DIP2C: variants seen among roughly 807,000 people sequenced by gnomAD.
The protein encoded by DIP2C is disco-interacting protein 2 homolog C.
In DIP2C, 33 loss-of-function variants were observed where a neutral mutation model predicts 192.4. That is an observed-to-expected ratio of 0.17 (90% CI 0.13 to 0.23). The LOEUF (loss-of-function observed/expected upper bound fraction) is 0.23, where lower values mean the gene tolerates loss of function less well. Among genes scored for constraint, DIP2C ranks in the 10% least tolerant of loss-of-function variants. The pLI is 1.00. For synonymous variants in DIP2C, 979 were observed against 864.1 expected, an observed-to-expected ratio of 1.13 and a Z score of -2.33; for missense variants, 1,537 against 2,110.1, an observed-to-expected ratio of 0.73 and a Z score of 5.32.
chr10:467,497 A>G (rs1371187508), intron 3 of DIP2C, among the ~76,000 whole-genome samples: 1 of 150,350 alleles, frequency 6.7e-6, no homozygotes, highest in Non-Finnish European at 1.5e-5. Flanking sequence ...TAACCTGCAC[A>G]ATGTGCACAT....
At chr10:602,324 G>A (rs1852139512) in intron 1 of DIP2C, among the ~76,000 whole-genome samples, 2 of 152,202 alleles carry the variant, frequency 1.3e-5, no homozygotes, top group South Asian at 2.1e-4. Flanking sequence ...AAATGCAGCT[G>A]AGAAGGCTGT....
chr10:587,484 A>C (rs888631554), intron 1 of DIP2C, among the ~76,000 whole-genome samples: 2 of 152,220 alleles, frequency 1.3e-5, no homozygotes, highest in African/African-American at 4.8e-5. Context: ...TAATAAAATG[A>C]AATAAAAATA....
rs767702403 is a variant in DIP2C, at chr10:613,810, C to T, written c.85+75684G>A. The stretch of plus-strand genomic sequence containing the variant: ...CTGATCTCAACAGGTCTTCCCTGTG[C>T]CCCGGGAAACATGGCGTTTCCACAC... On this transcript the variant is annotated intron_variant, in intron 1 of 36. Transcript: ENST00000280886. Among the ~76,000 whole-genome samples the T allele has an allele frequency of 9.5e-4, 145 of 151,842 alleles. 2 individuals carry two copies. The highest frequency in any genetic ancestry group is 5.6e-3 in the Admixed American group (85 of 15,252).
At chr10:647,206 C>T (rs1490099224) in intron 1 of DIP2C, among the ~76,000 whole-genome samples, 1 of 151,682 alleles carries the variant, frequency 6.6e-6, no homozygotes, top group Admixed American at 6.6e-5. Context: ...GAAACTGAGT[C>T]CACGTCCACA....
In DIP2C at chr10:327,171, T is replaced by G. The variant is rs921376689; in HGVS notation, c.3759A>C (p.Arg1253=). ...LGSQTESLKA[R]GLDLSRVRTC... ...TCCTCACTCGGGACAAGTCCAGCCC[T>G]CGCGCCTGGAGATGATGACAGAGAA... The change falls in exon 31 of 37, where the codon CGA becomes CGC. Residue 1253 remains arginine (R), a synonymous_variant. Transcript: ENST00000280886. The G allele has an allele frequency of 6.2e-7, 1 of 1,613,226 alleles. No individual in the cohort carries two copies. The highest frequency in any genetic ancestry group is 1.3e-5 in the African/African-American group (1 of 74,966).
chr10:445,890 C>G (rs1163881315), intron 3 of DIP2C, among the ~76,000 whole-genome samples: 3 of 150,898 alleles, frequency 2.0e-5, no homozygotes, highest in African/African-American at 7.3e-5. Flanking sequence ...AAGAGTCTAT[C>G]TTGCACTGGC....
intron 4 of DIP2C, among the ~76,000 whole-genome samples, chr10:438,698 C>G (rs1967476677): frequency 6.6e-6 from 1 of 151,790 alleles, no homozygotes; most frequent in Admixed American, 6.6e-5. Flanking sequence ...GGAATGTTGC[C>G]CAGGCTGGTC....
chr10:642,634 G>T (rs1855252272), intron 1 of DIP2C, among the ~76,000 whole-genome samples: 1 of 152,258 alleles, frequency 6.6e-6, no homozygotes, highest in Admixed American at 6.5e-5. Context: ...CAAAGCTGAA[G>T]GGCGTGTGCC....
chr10:477,751 A>AAAGGAGAGAGAAGAAAAAGGAAAAG (rs1564762387), intron 2 of DIP2C, among the ~76,000 whole-genome samples: 1 of 107,254 alleles, frequency 9.3e-6, no homozygotes, highest in Non-Finnish European at 2.1e-5. Flanking sequence ...ACGAGAAAGA[A>AAAGGAGAGAGAAGAAAAAGGAAAAG]AAGGAGAGAG....
chr10:390,992 G>T, intron 10 of DIP2C, 129 bp from the exon 11 acceptor site: 1 of 1,367,950 alleles, frequency 7.3e-7, no homozygotes, highest in Non-Finnish European at 9.9e-7. Context: ...CAGCCCTGCT[G>T]CTTGGTATCT....
intron 1 of DIP2C, among the ~76,000 whole-genome samples, chr10:576,342 C>T (rs568640039): frequency 3.2e-4 from 48 of 152,170 alleles, no homozygotes; most frequent in Non-Finnish European, 5.6e-4. Flanking sequence ...ATTACTCATA[C>T]GTGTGTTGAA....
At chr10:542,817 G>A (rs1280177657) in intron 1 of DIP2C, among the ~76,000 whole-genome samples, 1 of 151,368 alleles carries the variant, frequency 6.6e-6, no homozygotes, top group Admixed American at 6.6e-5. Flanking sequence ...AGATTGGGGA[G>A]TGGGGGGTTC....
intron 1 of DIP2C, among the ~76,000 whole-genome samples, chr10:548,911 CA>C (rs61437915): frequency 0.049 from 1,282 of 26,334 alleles, 9 homozygotes; most frequent in Middle Eastern, 0.12. Flanking sequence ...TAGCAGCTCA[CA>C]AAAAAAAAAA....
In DIP2C at chr10:277,380, C is replaced by T. The variant is rs773007279; in HGVS notation, c.4616G>A (p.Arg1539Gln). 5 of 1,614,074 alleles carry T rather than the reference C, an allele frequency of 3.1e-6. No individual in the cohort carries two copies. The highest frequency in any genetic ancestry group is 2.7e-5 in the African/African-American group (2 of 74,916). The change falls in exon 37 of 37, where the codon CGA becomes CAA. Residue 1539 changes from arginine (R) to glutamine (Q), a missense_variant. By Grantham distance (43) the Arg-to-Gln change is conservative. Transcript: ENST00000280886. The stretch of plus-strand genomic sequence containing the variant: ...TAGCTGGTCTGCCAAAAACCCGTCT[C>T]GCAGGTGCATGCGCTGCTTCTCCCC... ...SRGEKQRMHLRDGFLADQLDP... is the reference protein window; with the variant it reads ...SRGEKQRMHLQDGFLADQLDP...
At chr10:479,929 G>A (rs932901347) in intron 2 of DIP2C, among the ~76,000 whole-genome samples, 25 of 149,748 alleles carry the variant, frequency 1.7e-4, no homozygotes, top group African/African-American at 5.5e-4. Context: ...CATGCTCACT[G>A]GATGAGTCTC....
At chr10:317,187 A>T (rs965006841) in intron 31 of DIP2C, among the ~76,000 whole-genome samples, 7 of 152,232 alleles carry the variant, frequency 4.6e-5, no homozygotes, top group African/African-American at 1.7e-4. Flanking sequence ...ACAAACTGTC[A>T]GGAAATGGGG....
At chr10:662,208 TC>T in intron 1 of DIP2C, 1 of 676,492 alleles carries the variant, frequency 1.5e-6, no homozygotes, top group Non-Finnish European at 2.7e-6. Context: ...AGTACAGGCC[TC>T]ACACCTGCTC....
At chr10:441,106 C>T (rs1967692345) in intron 3 of DIP2C, 110 bp from the exon 4 acceptor site, 1 of 1,280,278 alleles carries the variant, frequency 7.8e-7, no homozygotes, top group East Asian at 2.7e-5. Context: ...TGAAACTCAC[C>T]AACAGATGGG....
intron 1 of DIP2C, among the ~76,000 whole-genome samples, chr10:671,252 C>T (rs1168293290): frequency 2.0e-5 from 3 of 152,236 alleles, no homozygotes; most frequent in Admixed American, 6.5e-5. Flanking sequence ...CGGCCTCCAG[C>T]GTGGACGGAG....
Sources: gnomAD v4.1 joint callset for allele counts (sites outside exome capture counted in the v4.1 genomes callset) on GRCh38, gnomAD v4.1.1 for gene constraint, MANE v1.5 for transcripts, NCBI Gene and HGNC (gene_info 2026-07-23, HGNC 2026-07-21) for gene names.